Variants in SNW1 observed in about 807,000 individuals in gnomAD.
The protein encoded by SNW1 is SNW domain-containing protein 1.
SNW1 carries 9 observed loss-of-function variants against 75.6 expected under a neutral mutation model. The ratio of observed to expected loss-of-function variants is 0.12; its 90% CI spans 0.07 to 0.21. The LOEUF is 0.21. Ranked by LOEUF, SNW1 falls within the 10% of genes least tolerant of loss-of-function variation. The pLI, the probability that SNW1 is intolerant of heterozygous loss-of-function variation, is 1.00. For missense variants in SNW1, 409 were observed against 670.9 expected (o/e 0.61, Z 4.31); for synonymous variants, 200 against 219.1 (o/e 0.91, Z 0.77).
intron 1 of SNW1, among the ~76,000 whole-genome samples, chr14:77,756,349 G>A (rs920546067): frequency 1.3e-4 from 19 of 151,912 alleles, no homozygotes; most frequent in African/African-American, 4.4e-4. Flanking sequence ...GGCTGGTCTC[G>A]AACTCCTGAC....
chr14:77,751,212 CACTGCT>C, intron 3 of SNW1, 101 bp downstream of exon 3: 4 of 1,152,436 alleles, frequency 3.5e-6, no homozygotes, highest in Non-Finnish European at 4.9e-6. Context: ...CATGCCCAGC[CACTGCT>C]ACTTTTAACA....
intron 2 of SNW1, among the ~76,000 whole-genome samples, chr14:77,754,149 A>G (rs1278761000): frequency 6.6e-6 from 1 of 151,320 alleles, no homozygotes; most frequent in East Asian, 2.0e-4. Context: ...GGTTCAAGCA[A>G]TTCTCCCGCC....
chr14:77,720,455 A>G, intron 12 of SNW1: 1 of 698,520 alleles, frequency 1.4e-6, no homozygotes, highest in Non-Finnish European at 2.6e-6. Flanking sequence ...TATTTTAGAA[A>G]CAAAAGGTTG....
chr14:77,737,991 CAAAAAA>C (rs35896717), intron 5 of SNW1, among the ~76,000 whole-genome samples: 1 of 74,164 alleles, frequency 1.3e-5, no homozygotes, highest in Non-Finnish European at 2.4e-5. Context: ...GACTCCATCT[CAAAAAA>C]AAAAAAAAAA....
intron 11 of SNW1, 156 bp from the exon 12 acceptor site, chr14:77,720,984 C>T: frequency 1.6e-6 from 1 of 610,114 alleles, no homozygotes; most frequent in East Asian, 2.7e-5. Context: ...ATCAAGCTGG[C>T]AGCCCTTATA....
Position 77,723,149 on chromosome 14 carries a change from C to A in SNW1, c.1130+32G>T, listed in dbSNP as rs757048136. On this transcript the variant is annotated intron_variant, in intron 11 of 13. Coordinates refer to ENST00000261531, the MANE Select transcript of SNW1 (RefSeq NM_012245.3). ...GGGGTGAACCACTGCGCCCGGCCAC[C>A]ATGATTGGTACACATCTTAAATAAC... 8.9e-6 allele frequency: 14 copies of A among 1,565,526 alleles called. No individual in the cohort carries two copies. In the Admixed American group the frequency reaches 1.0e-4, roughly 11 times the overall value.
In SNW1 at chr14:77,719,202, G is replaced by A. The variant is rs536161778; in HGVS notation, c.1249-672C>T. Reference sequence around the variant, plus strand: ...AGGCGTGAGCCACAGTGCCCAGCCAGAAATATTTTCATCACAATTTTTAAA... The same window carrying A: ...AGGCGTGAGCCACAGTGCCCAGCCAAAAATATTTTCATCACAATTTTTAAA... On this transcript the variant is annotated intron_variant, in intron 12 of 13. Coordinates refer to ENST00000261531, the MANE Select transcript of SNW1 (RefSeq NM_012245.3). 4.6e-5 allele frequency among the ~76,000 whole-genome samples: 7 copies of A among 152,190 alleles called. No homozygotes were observed. In the South Asian group the frequency reaches 8.3e-4, roughly 18 times the overall value.
intron 3 of SNW1, among the ~76,000 whole-genome samples, chr14:77,744,605 A>C (rs1322821553): frequency 6.6e-6 from 1 of 152,164 alleles, no homozygotes; most frequent in Non-Finnish European, 1.5e-5. Flanking sequence ...ATACAAAATA[A>C]TCACCAATAC....
intron 8 of SNW1, among the ~76,000 whole-genome samples, 169 bp from the exon 9 acceptor site, chr14:77,732,770 G>C (rs896760598): frequency 2.6e-5 from 4 of 152,106 alleles, no homozygotes; most frequent in African/African-American, 9.7e-5. Context: ...GTTCAAGCGA[G>C]TCTCCTACCT....
intron 6 of SNW1, 74 bp downstream of exon 6, chr14:77,736,897 C>T: frequency 1.8e-6 from 2 of 1,142,504 alleles, no homozygotes; most frequent in Admixed American, 1.7e-5. Flanking sequence ...TGCCTGGCTT[C>T]TTTCACTCAG....
Position 77,736,973 on chromosome 14 carries a change from G to C in SNW1, c.636C>G (p.Phe212Leu). 1.2e-6 allele frequency: 2 copies of C among 1,607,144 alleles called. No homozygotes were observed. Among genetic ancestry groups the C allele is most frequent in the Non-Finnish European group, 1.7e-6 (2 of 1,173,802 alleles). Reference protein sequence around the residue: ...MQKDPMEPPRFKINKKIPRGP... With the variant: ...MQKDPMEPPRLKINKKIPRGP... Reference sequence around the variant, plus strand: ...GTAGCCTATTCCTTTTCACTTACTTGAACCTTGGAGGCTCCATTGGATCTT... The same window carrying C: ...GTAGCCTATTCCTTTTCACTTACTTCAACCTTGGAGGCTCCATTGGATCTT... The change falls in exon 6 of 14, where the codon TTC (phenylalanine) becomes TTG (leucine). Residue 212 changes from phenylalanine to leucine, a missense_variant and splice_region_variant. Physicochemically the swap from Phe to Leu is conservative, Grantham distance 22 (BLOSUM62 0). Around this residue, in one of 9 missense-constraint regions of SNW1, gnomAD observed 70 missense variants for 136.7 expected, o/e 0.51. Transcript: ENST00000261531.
At position 77,731,225 on chromosome 14, in the gene SNW1, T is replaced by C. The variant is rs1022919592; in HGVS notation, c.892-96A>G. The C allele has an allele frequency of 3.1e-6, 4 of 1,308,322 alleles. No individual in the cohort carries two copies. In the African/African-American group the frequency reaches 4.4e-5, roughly 15 times the overall value. 81.0% of individuals were successfully genotyped at this position (1,308,322 alleles called of 1,614,324 possible). ...CTAACATCTGGCTGGTAAGAGCAAT[T>C]ATACAGAATTCAGATTTGTTATTGC... On this transcript the variant is annotated intron_variant, in intron 9 of 13. Transcript: ENST00000261531.
chr14:77,738,468 G>A (rs1426739524), intron 5 of SNW1, among the ~76,000 whole-genome samples: 7 of 151,724 alleles, frequency 4.6e-5, no homozygotes, highest in Admixed American at 4.6e-4. Context: ...TATTAGCCAG[G>A]CATGGTGGCA....
Position 77,717,726 on chromosome 14 carries a change from C to T in SNW1, c.*362G>A. 1 of 638,362 alleles carries T rather than the reference C, an allele frequency of 1.6e-6. No homozygotes were observed. Among genetic ancestry groups the T allele is most frequent in the Non-Finnish European group, 2.7e-6 (1 of 368,584 alleles). 39.5% of individuals were successfully genotyped at this position (638,362 alleles called of 1,614,324 possible). A position where few individuals can be genotyped will look rare whatever the true frequency, so the allele number is the denominator to read the frequency against. ...TGGCAGGACAGTTCCAGTATGTGAACATCTTCCTCCTCACTGTGGTTGGGG... is the reference window on the plus strand; with the variant it reads ...TGGCAGGACAGTTCCAGTATGTGAATATCTTCCTCCTCACTGTGGTTGGGG... On this transcript the variant is annotated 3_prime_UTR_variant, in exon 14 of 14. Transcript: ENST00000261531.
chr14:77,757,594 C>T (rs985575590), intron 1 of SNW1, among the ~76,000 whole-genome samples: 4 of 152,114 alleles, frequency 2.6e-5, no homozygotes, highest in African/African-American at 4.8e-5. Flanking sequence ...GGTTAACTGC[C>T]TGTCTCTATG....
Position 77,717,608 on chromosome 14 carries a change from A to G in SNW1, c.*480T>C, listed in dbSNP as rs1423922347. ...TTAACATAACTGAGAATTTTGTCTA[A>G]ATGTTTTTATTTGAAACAAATAGTT... On this transcript the variant is annotated 3_prime_UTR_variant, in exon 14 of 14. Coordinates refer to ENST00000261531, the MANE Select transcript of SNW1 (RefSeq NM_012245.3). 6.5e-7 allele frequency: 1 copy of G among 1,541,686 alleles called. No individual in the cohort carries two copies. The highest frequency in any genetic ancestry group is 1.1e-5 in the South Asian group (1 of 87,516).
intron 3 of SNW1, among the ~76,000 whole-genome samples, chr14:77,741,930 T>A (rs1419583367): frequency 6.6e-6 from 1 of 152,166 alleles, no homozygotes; most frequent in Non-Finnish European, 1.5e-5. Context: ...CCAAAGTTAA[T>A]AACCCTTCAA....
At position 77,756,897 on chromosome 14, in the gene SNW1, C is replaced by A. The variant is rs575148004; in HGVS notation, c.15-1777G>T. ...TCCATCTCAAACAAACAAACAACAA[C>A]AAAAAAACCCTTAGAGGCCAAAGAA... On this transcript the variant is annotated intron_variant, in intron 1 of 13. Coordinates refer to ENST00000261531, the MANE Select transcript of SNW1 (RefSeq NM_012245.3). 6.6e-5 allele frequency among the ~76,000 whole-genome samples: 10 copies of A among 152,050 alleles called. No individual in the cohort carries two copies. The South Asian group carries it at 1.9e-3, about 28-fold the overall frequency.
chr14:77,750,980 A>G (rs1039705532), intron 3 of SNW1, among the ~76,000 whole-genome samples: 3 of 152,218 alleles, frequency 2.0e-5, no homozygotes, highest in African/African-American at 7.2e-5. Flanking sequence ...TTAAAAGTTG[A>G]TGGTAAGGCT....
Sources: gnomAD v4.1 joint callset for allele counts (sites outside exome capture counted in the v4.1 genomes callset) on GRCh38, gnomAD v4.1.1 for gene constraint, gnomAD v4.1.1 regional missense constraint, MANE v1.5 for transcripts, NCBI Gene and HGNC (gene_info 2026-07-23, HGNC 2026-07-21) for gene names.